Variants in UBE2E2 observed in about 807,000 individuals in gnomAD.
UBE2E2 encodes ubiquitin conjugating enzyme E2 E2, also known as ubiquitin-conjugating enzyme E2 E2.
Under a neutral mutation model 24.7 loss-of-function variants are expected in UBE2E2, and 6 were observed. That is an observed-to-expected ratio of 0.24 (90% CI 0.13 to 0.48). The LOEUF (loss-of-function observed/expected upper bound fraction) is 0.48. UBE2E2 is among the 20% of genes least tolerant of loss of function. UBE2E2 has a pLI of 0.99. For synonymous variants in UBE2E2, 104 were observed against 83.6 expected, an observed-to-expected ratio of 1.24 and a Z score of -1.33; for missense variants, 169 against 245.0, an observed-to-expected ratio of 0.69 and a Z score of 2.07.
chr3:23,457,014 A>G (rs945672278), intron 3 of UBE2E2, among the ~76,000 whole-genome samples: 2 of 152,214 alleles, frequency 1.3e-5, no homozygotes, highest in African/African-American at 4.8e-5. Flanking sequence ...AGGAGATTTT[A>G]TTACTTGTAA....
chr3:23,488,039 A>C (rs1028456682), intron 3 of UBE2E2, among the ~76,000 whole-genome samples: 1 of 152,030 alleles, frequency 6.6e-6, no homozygotes, highest in African/African-American at 2.4e-5. Flanking sequence ...CCTTTTTAGG[A>C]ATAAACTAGA....
At chr3:23,428,564 T>G (rs895595091) in intron 3 of UBE2E2, among the ~76,000 whole-genome samples, 1 of 151,936 alleles carries the variant, frequency 6.6e-6, no homozygotes, top group Non-Finnish European at 1.5e-5. Context: ...ATTAATGAAA[T>G]AGGAAACAGG....
At chr3:23,286,620 T>C (rs114075010) in intron 3 of UBE2E2, among the ~76,000 whole-genome samples, 2,162 of 152,294 alleles carry the variant, frequency 0.014, 53 homozygotes, top group African/African-American at 0.05. Context: ...TTAGAATAGC[T>C]TTGGCTATTC....
chr3:23,254,026 A>G (rs1199524371), intron 3 of UBE2E2, among the ~76,000 whole-genome samples: 1 of 152,242 alleles, frequency 6.6e-6, no homozygotes, highest in African/African-American at 2.4e-5. Flanking sequence ...CCAGTCTAAT[A>G]GGATAGAACT....
chr3:23,437,208 G>C (rs1698204037), intron 3 of UBE2E2, among the ~76,000 whole-genome samples: 1 of 152,084 alleles, frequency 6.6e-6, no homozygotes, highest in East Asian at 1.9e-4. Flanking sequence ...AGTTTACTTG[G>C]CCTGAAAAAC....
chr3:23,508,242 T>A (rs1004369202), intron 4 of UBE2E2, among the ~76,000 whole-genome samples: 4 of 152,242 alleles, frequency 2.6e-5, no homozygotes, highest in African/African-American at 9.6e-5. Context: ...TTTAAAATAA[T>A]GCACATTATA....
rs142444241 is a variant in UBE2E2, at chr3:23,208,756, C to T, written c.57C>T (p.Ser19=). 5.8e-5 allele frequency: 93 copies of T among 1,613,572 alleles called. No individual in the cohort carries two copies. In the Admixed American group the frequency reaches 7.5e-4, roughly 13 times the overall value. The change falls in exon 2 of 6, where the codon TCC becomes TCT. Residue 19 remains serine (S), a synonymous_variant. Transcript: ENST00000396703. ...GTCCAAGCACTAGTGGAGGAAGTTCCGATGGAGATCAACGTGAAAGTGTTC... is the reference window on the plus strand; with the variant it reads ...GTCCAAGCACTAGTGGAGGAAGTTCTGATGGAGATCAACGTGAAAGTGTTC... ...DDSPSTSGGS[S]DGDQRESVQQ...
In UBE2E2 at chr3:23,275,043, T is replaced by C. The variant is rs148341686; in HGVS notation, c.227+57731T>C. 3.0e-3 allele frequency among the ~76,000 whole-genome samples: 455 copies of C among 152,362 alleles called. 4 individuals carry two copies. The highest frequency in any genetic ancestry group is 0.01 in the African/African-American group (427 of 41,592). On this transcript the variant is annotated intron_variant, in intron 3 of 5. Coordinates refer to ENST00000396703, the MANE Select transcript of UBE2E2 (RefSeq NM_152653.4). ...ATCAATGTCCTTATCAGGAAATATC[T>C]GAGTGCCTACTGTGTGTAAAGCGTT...
chr3:23,501,061 C>G (rs1011854134), intron 4 of UBE2E2, among the ~76,000 whole-genome samples: 3 of 152,126 alleles, frequency 2.0e-5, no homozygotes, highest in African/African-American at 7.2e-5. Flanking sequence ...CTTATACCTT[C>G]CTTTTCTACT....
chr3:23,271,354 C>T (rs1392811561), intron 3 of UBE2E2, among the ~76,000 whole-genome samples: 1 of 152,172 alleles, frequency 6.6e-6, no homozygotes, highest in Non-Finnish European at 1.5e-5. Context: ...TACAGACCTT[C>T]ACGGTGAGTG....
At chr3:23,582,248 T>G (rs537671956) in intron 5 of UBE2E2, among the ~76,000 whole-genome samples, 1 of 152,240 alleles carries the variant, frequency 6.6e-6, no homozygotes, top group Non-Finnish European at 1.5e-5. Flanking sequence ...TTTTTATGGC[T>G]GCATAACATT....
intron 3 of UBE2E2, among the ~76,000 whole-genome samples, chr3:23,247,075 G>A (rs1204958140): frequency 6.6e-6 from 1 of 151,152 alleles, no homozygotes; most frequent in East Asian, 2.0e-4. Flanking sequence ...CGTTGGTCTT[G>A]AAATCCTAGA....
chr3:23,317,509 G>A (rs572176311), intron 3 of UBE2E2, among the ~76,000 whole-genome samples: 9 of 152,254 alleles, frequency 5.9e-5, no homozygotes, highest in Admixed American at 1.3e-4. Flanking sequence ...ATAACATACC[G>A]GAGACCGGGT....
At chr3:23,217,420 T>A in intron 3 of UBE2E2, 108 bp downstream of exon 3, 1 of 1,014,158 alleles carries the variant, frequency 9.9e-7, no homozygotes, top group Non-Finnish European at 1.5e-6. Flanking sequence ...AGTAAAAACA[T>A]CATTGTTGTT....
At chr3:23,297,591 G>C (rs76126583) in intron 3 of UBE2E2, among the ~76,000 whole-genome samples, 43,914 of 151,992 alleles carry the variant, frequency 0.29, 7,671 homozygotes, top group Admixed American at 0.49. Flanking sequence ...GCTTGTTTTT[G>C]TCAGGTTTGT....
chr3:23,354,819 G>A (rs1575582124), intron 3 of UBE2E2, among the ~76,000 whole-genome samples: 1 of 152,320 alleles, frequency 6.6e-6, no homozygotes, highest in Admixed American at 6.5e-5. Flanking sequence ...AAGACAGTGT[G>A]GCAATTCCTC....
chr3:23,332,716 T>TGC (rs34367049), intron 3 of UBE2E2, among the ~76,000 whole-genome samples: 8,122 of 146,206 alleles, frequency 0.056, 301 homozygotes, highest in Non-Finnish European at 0.07. Flanking sequence ...TGTGTGTGTG[T>TGC]GTGCAGCTAT....
intron 3 of UBE2E2, among the ~76,000 whole-genome samples, chr3:23,261,840 T>A (rs191835758): frequency 6.6e-6 from 1 of 152,228 alleles, no homozygotes; most frequent in Non-Finnish European, 1.5e-5. Context: ...TTTATTGATA[T>A]ATACACACAC....
chr3:23,542,717 G>A (rs995982236), intron 5 of UBE2E2, among the ~76,000 whole-genome samples: 13 of 151,818 alleles, frequency 8.6e-5, no homozygotes, highest in South Asian at 2.1e-4. Flanking sequence ...AAAATCAGTC[G>A]TCTTTTCAAG....
Sources: allele counts gnomAD v4.1 joint callset (sites outside exome capture counted in the v4.1 genomes callset), GRCh38; gene constraint gnomAD v4.1.1; transcripts MANE v1.5; gene names NCBI Gene and HGNC (gene_info 2026-07-23, HGNC 2026-07-21).